Variants in ZNF248 observed in about 807,000 individuals in gnomAD.
ZNF248 encodes zinc finger protein 248, also known as KRAB protein domain.
Under a neutral mutation model 44.3 loss-of-function variants are expected in ZNF248, and 20 were observed. That is an observed-to-expected ratio of 0.45 (90% confidence interval 0.32 to 0.66). The LOEUF (loss-of-function observed/expected upper bound fraction) is 0.66, where lower values mean the gene tolerates loss of function less well. Ranked by LOEUF, ZNF248 falls within the 30% of genes least tolerant of loss-of-function variation. The pLI is 0.04. For missense variants in ZNF248, 654 were observed against 677.0 expected (o/e 0.97, Z 0.38); for synonymous variants, 224 against 229.0 (o/e 0.98, Z 0.20).
intron 3 of ZNF248, among the ~76,000 whole-genome samples, chr10:37,841,936 T>C (rs1478824715): frequency 6.6e-6 from 1 of 152,122 alleles, no homozygotes; most frequent in Non-Finnish European, 1.5e-5. Context: ...TGAGAAACTG[T>C]CACAGCTAAG....
intron 5 of ZNF248, among the ~76,000 whole-genome samples, chr10:37,833,603 CAG>C (rs1177992622): frequency 2.6e-5 from 4 of 152,176 alleles, no homozygotes; most frequent in Non-Finnish European, 4.4e-5. Context: ...GAATTCCCAC[CAG>C]AGTACATGCT....
At chr10:37,787,597 C>A (rs1357606007) in intron 6 of ZNF248, among the ~76,000 whole-genome samples, 4 of 150,494 alleles carry the variant, frequency 2.7e-5, no homozygotes, top group Non-Finnish European at 3.0e-5. Context: ...GGCATTAAAA[C>A]AAATTGTATG....
intron 3 of ZNF248, among the ~76,000 whole-genome samples, chr10:37,849,630 T>C (rs974241731): frequency 6.6e-5 from 10 of 151,094 alleles, no homozygotes; most frequent in African/African-American, 2.4e-4. Flanking sequence ...GAGCTTGCAA[T>C]GAACGGAGAG....
rs572186740 is a variant in ZNF248 at position 37,807,014 on chromosome 10, C to T, written c.330+26011G>A. Among the ~76,000 whole-genome samples the T allele has an allele frequency of 1.7e-3, 257 of 151,514 alleles. 1 individual carries two copies. Among genetic ancestry groups the T allele is most frequent in the Non-Finnish European group, 3.2e-3 (217 of 67,942 alleles). ...TTTTTCTTTTTTTGAGACAGAGTCT[C>T]ACTCTGTTGCCCAAGCTGGAGTGCA... is the stretch of plus-strand genomic sequence containing the variant. On this transcript the variant is annotated intron_variant, in intron 6 of 6. Transcript: ENST00000615949.
the ZNF248 span, among the ~76,000 whole-genome samples, chr10:37,767,293 G>A: frequency 7.9e-5 from 12 of 152,194 alleles, no homozygotes; most frequent in South Asian, 4.2e-4. Flanking sequence ...GATACTCCTC[G>A]AGAAGAGCAA....
At chr10:37,813,115 C>G (rs2051820658) in intron 6 of ZNF248, among the ~76,000 whole-genome samples, 1 of 151,352 alleles carries the variant, frequency 6.6e-6, no homozygotes, top group South Asian at 2.1e-4. Context: ...GACTTCACAA[C>G]AGAGGAATTA....
At chr10:37,853,331 G>A (rs1028495447) in intron 3 of ZNF248, among the ~76,000 whole-genome samples, 13 of 152,114 alleles carry the variant, frequency 8.5e-5, no homozygotes, top group African/African-American at 3.1e-4. Context: ...TCAAGGGGGA[G>A]GATGATTTAA....
chr10:37,780,564 A>T (rs1412682955), intron 6 of ZNF248, among the ~76,000 whole-genome samples: 2 of 152,234 alleles, frequency 1.3e-5, no homozygotes, highest in African/African-American at 4.8e-5. Flanking sequence ...ACATATTAAC[A>T]GCATCCCTCT....
intron 5 of ZNF248, among the ~76,000 whole-genome samples, chr10:37,833,801 T>C (rs1401320732): frequency 4.6e-5 from 7 of 152,054 alleles, no homozygotes; most frequent in Admixed American, 4.6e-4. Context: ...CAAGACATGA[T>C]AAACAGGAGA....
chr10:37,833,503 G>C (rs1452984301), intron 5 of ZNF248, among the ~76,000 whole-genome samples: 3 of 152,142 alleles, frequency 2.0e-5, no homozygotes, highest in Non-Finnish European at 2.9e-5. Context: ...GTGAAGATTA[G>C]CAGACAAGGG....
intron 6 of ZNF248, among the ~76,000 whole-genome samples, chr10:37,793,059 C>A (rs762712736): frequency 4.6e-5 from 7 of 152,144 alleles, no homozygotes; most frequent in African/African-American, 1.7e-4. Context: ...ATTGGCCGGG[C>A]GCGGTGGCTC....
chr10:37,809,581 A>AG (rs2051173450), intron 6 of ZNF248, among the ~76,000 whole-genome samples: 1 of 152,220 alleles, frequency 6.6e-6, no homozygotes, highest in African/African-American at 2.4e-5. Context: ...CCCAGCCTTC[A>AG]GTTAGCTCTT....
chr10:37,820,344 C>T (rs1461492857), intron 6 of ZNF248: 1 of 1,405,502 alleles, frequency 7.1e-7, no homozygotes, highest in East Asian at 2.3e-5. Flanking sequence ...GCCAGCTCCC[C>T]TTTGTGCCAG....
At chr10:37,801,053 T>G (rs1182679524) in intron 6 of ZNF248, among the ~76,000 whole-genome samples, 1 of 151,598 alleles carries the variant, frequency 6.6e-6, no homozygotes, top group East Asian at 2.0e-4. Flanking sequence ...TGAGCCACTG[T>G]GCCCGGCCTA....
At chr10:37,808,769 A>G (rs927515860) in intron 6 of ZNF248, among the ~76,000 whole-genome samples, 1 of 152,098 alleles carries the variant, frequency 6.6e-6, no homozygotes, top group Admixed American at 6.5e-5. Flanking sequence ...CTTCATTTTA[A>G]TTTTTTGGAA....
At chr10:37,763,195 C>T in the ZNF248 span, among the ~76,000 whole-genome samples, 1 of 152,186 alleles carries the variant, frequency 6.6e-6, no homozygotes, top group Admixed American at 6.5e-5. Flanking sequence ...GACAAGGGCC[C>T]TGAGCTTTAC....
At chr10:37,771,245 C>T in the ZNF248 span, among the ~76,000 whole-genome samples, 1 of 152,100 alleles carries the variant, frequency 6.6e-6, no homozygotes, top group East Asian at 1.9e-4. Flanking sequence ...CTAGAAATAC[C>T]ATTTGACCCA....
intron 3 of ZNF248, among the ~76,000 whole-genome samples, chr10:37,849,048 A>T (rs1564660009): frequency 6.6e-6 from 1 of 152,242 alleles, no homozygotes; most frequent in Admixed American, 6.5e-5. Flanking sequence ...ATTAATCCTA[A>T]TATCTTCAAA....
At chr10:37,772,241 G>T (rs2046278011), downstream of ZNF248, among the ~76,000 whole-genome samples, 1 of 151,476 alleles carries the variant, frequency 6.6e-6, no homozygotes, top group Non-Finnish European at 1.5e-5. Flanking sequence ...CTCCAGCCTA[G>T]GCAACAGAGT....
Sources: allele counts gnomAD v4.1 joint callset (sites outside exome capture counted in the v4.1 genomes callset), GRCh38; gene constraint gnomAD v4.1.1; transcripts MANE v1.5; gene names NCBI Gene and HGNC (gene_info 2026-07-23, HGNC 2026-07-21).